SPIDR: variants seen among roughly 807,000 people sequenced by gnomAD.
SPIDR encodes scaffold protein involved in DNA repair.
Under a neutral mutation model 104.6 loss-of-function variants are expected in SPIDR, and 93 were observed. The ratio of observed to expected loss-of-function variants is 0.89; its 90% CI spans 0.75 to 1.06. The LOEUF (loss-of-function observed/expected upper bound fraction) is 1.06. Ranked by LOEUF, SPIDR falls within the 50% of genes least tolerant of loss-of-function variation. The pLI is 0.00. For synonymous variants in SPIDR, 431 were observed against 416.9 expected (o/e 1.03, Z -0.41); for missense variants, 1,154 against 1,111.2 (o/e 1.04, Z -0.55).
At chr8:47,465,008 C>T (rs1229294550) in intron 8 of SPIDR, among the ~76,000 whole-genome samples, 1 of 152,180 alleles carries the variant, frequency 6.6e-6, no homozygotes, top group Non-Finnish European at 1.5e-5. Context: ...AGGTGATCCA[C>T]CTGCCTCGGC....
chr8:47,722,231 A>G (rs2083506268), intron 16 of SPIDR, among the ~76,000 whole-genome samples: 1 of 152,118 alleles, frequency 6.6e-6, no homozygotes, highest in South Asian at 2.1e-4. Context: ...TAACCCTGCA[A>G]CTTTGCTGTA....
intron 8 of SPIDR, among the ~76,000 whole-genome samples, chr8:47,529,545 A>G (rs2085582211): frequency 1.3e-5 from 2 of 152,156 alleles, no homozygotes; most frequent in African/African-American, 4.8e-5. Context: ...CCAGACAAAA[A>G]CTGAGACAAT....
In SPIDR at chr8:47,504,108, G is replaced by A. The variant is rs184963923; in HGVS notation, c.1097+63566G>A. Among the ~76,000 whole-genome samples, 131 of 152,272 alleles carry A rather than the reference G, an allele frequency of 8.6e-4. 1 individual carries two copies. The highest frequency in any genetic ancestry group is 1.8e-3 in the Admixed American group (28 of 15,296). ...CAACCTTGGTGAATCTGACAATTATGTGTCTTGGAGTTGCTCTTCTCGAGG... is the reference window on the plus strand; with the variant it reads ...CAACCTTGGTGAATCTGACAATTATATGTCTTGGAGTTGCTCTTCTCGAGG... On this transcript the variant is annotated intron_variant, in intron 8 of 19. Transcript: ENST00000297423.
Position 47,713,645 on chromosome 8 carries a change from G to A in SPIDR, c.2341+4G>A, listed in dbSNP as rs1168668182. The A allele has an allele frequency of 8.1e-6, 13 of 1,613,680 alleles. No individual in the cohort carries two copies. Among genetic ancestry groups the A allele is most frequent in the Non-Finnish European group, 1.1e-5 (13 of 1,179,852 alleles). On this transcript the variant is annotated splice_donor_region_variant and intron_variant, in intron 16 of 19. Transcript: ENST00000297423. Reference sequence around the variant, plus strand: ...AACTCCATCTGCAGTGTTCAAGGTAGGCAGCCATCTCACAGGAATTGGTGC... The same window carrying A: ...AACTCCATCTGCAGTGTTCAAGGTAAGCAGCCATCTCACAGGAATTGGTGC...
intron 10 of SPIDR, among the ~76,000 whole-genome samples, chr8:47,624,919 G>A (rs910246775): frequency 6.6e-6 from 1 of 152,082 alleles, no homozygotes; most frequent in Non-Finnish European, 1.5e-5. Context: ...CCAAAGCCTG[G>A]CAGAGACACA....
chr8:47,612,274 C>T (rs1374298119), intron 10 of SPIDR, among the ~76,000 whole-genome samples: 2 of 152,200 alleles, frequency 1.3e-5, no homozygotes, highest in East Asian at 3.8e-4. Flanking sequence ...ACGCTGACTA[C>T]TCTGGAATCC....
intron 10 of SPIDR, among the ~76,000 whole-genome samples, chr8:47,613,543 T>G (rs1332433414): frequency 6.6e-6 from 1 of 152,228 alleles, no homozygotes; most frequent in Non-Finnish European, 1.5e-5. Context: ...CATATGGTAA[T>G]TATGTGTTTA....
chr8:47,384,982 T>C (rs2059720399), intron 5 of SPIDR, among the ~76,000 whole-genome samples: 1 of 152,194 alleles, frequency 6.6e-6, no homozygotes, highest in Non-Finnish European at 1.5e-5. Flanking sequence ...CCCTCCATTT[T>C]GTTTTGTTTT....
chr8:47,267,689 T>C (rs1554547802), intron 1 of SPIDR, among the ~76,000 whole-genome samples: 1 of 152,344 alleles, frequency 6.6e-6, no homozygotes, highest in Non-Finnish European at 1.5e-5. Context: ...TGCGTTTTCA[T>C]TGGGTTATTT....
intron 5 of SPIDR, among the ~76,000 whole-genome samples, chr8:47,304,139 C>T (rs1343801807): frequency 3.3e-5 from 5 of 152,124 alleles, no homozygotes; most frequent in Non-Finnish European, 7.3e-5. Flanking sequence ...CTCTCCAAAA[C>T]TCTTGTTGAA....
chr8:47,303,321 C>T (rs1024302029), intron 5 of SPIDR, among the ~76,000 whole-genome samples: 45 of 152,266 alleles, frequency 3.0e-4, no homozygotes, highest in African/African-American at 9.4e-4. Context: ...TGGAGTGACC[C>T]GATTTTCCAG....
chr8:47,735,645 TTTATC>T lies in SPIDR; in HGVS notation c.*198_*202del. The T allele has an allele frequency of 8.8e-7, 1 of 1,133,070 alleles. No individual in the cohort carries two copies. The highest frequency in any genetic ancestry group is 1.2e-6 in the Non-Finnish European group (1 of 826,634). 70.2% of individuals were successfully genotyped at this position (1,133,070 alleles called of 1,614,324 possible). A position where few individuals can be genotyped will look rare whatever the true frequency, so the allele number is the denominator to read the frequency against. ...TAAATCAAAATACCTTTTTCTACAG[TTTATC>T]TTTTATTTTCTGCAAATTTAGGAAC... is the stretch of plus-strand genomic sequence containing the variant. On this transcript the variant is annotated 3_prime_UTR_variant, in exon 20 of 20. Coordinates refer to ENST00000297423, the MANE Select transcript of SPIDR (RefSeq NM_001080394.4).
At position 47,447,020 on chromosome 8, in the gene SPIDR, AT is replaced by A. The variant is rs139550402; in HGVS notation, c.1097+6480del. On this transcript the variant is annotated intron_variant, in intron 8 of 19. Transcript: ENST00000297423. ...ATTATCAGGAGTATGGAAAGAGTTG[AT>A]TCCAACCCTCTTCAGTGACTTCAGG... 1.9e-3 allele frequency among the ~76,000 whole-genome samples: 282 copies of A among 152,286 alleles called. 1 individual carries two copies. The highest frequency in any genetic ancestry group is 6.1e-3 in the African/African-American group (254 of 41,572).
At chr8:47,593,196 CT>C (rs897120701) in intron 8 of SPIDR, among the ~76,000 whole-genome samples, 1 of 151,196 alleles carries the variant, frequency 6.6e-6, no homozygotes, top group Admixed American at 6.6e-5. Context: ...AGGTTTTTTA[CT>C]TTTTTTTTAA....
chr8:47,425,239 A>G (rs1396357008), intron 7 of SPIDR, among the ~76,000 whole-genome samples: 2 of 152,090 alleles, frequency 1.3e-5, no homozygotes, highest in African/African-American at 4.8e-5. Context: ...GGTCACAGGT[A>G]CCAAGCTGGC....
intron 16 of SPIDR, among the ~76,000 whole-genome samples, chr8:47,718,322 A>T (rs1418050289): frequency 6.6e-6 from 1 of 152,224 alleles, no homozygotes; most frequent in African/African-American, 2.4e-5. Flanking sequence ...TAAACAGGGG[A>T]GGAAACATGC....
chr8:47,383,350 A>G (rs2059539885), intron 5 of SPIDR, among the ~76,000 whole-genome samples: 1 of 151,812 alleles, frequency 6.6e-6, no homozygotes, highest in Non-Finnish European at 1.5e-5. Flanking sequence ...GAACCAACTG[A>G]CTCTTTCTCT....
chr8:47,401,121 G>T (rs781789765), intron 6 of SPIDR, among the ~76,000 whole-genome samples: 3 of 152,148 alleles, frequency 2.0e-5, no homozygotes, highest in Non-Finnish European at 4.4e-5. Context: ...AAGCCCATCA[G>T]ACTAACAGAG....
Position 47,631,507 on chromosome 8 carries a change from A to G in SPIDR, c.1544+32311A>G, listed in dbSNP as rs562163393. 7.2e-5 allele frequency among the ~76,000 whole-genome samples: 11 copies of G among 152,368 alleles called. No homozygotes were observed. In the South Asian group the frequency reaches 2.3e-3, roughly 32 times the overall value. Reference sequence around the variant, plus strand: ...ATTACTGAATATGTTCAAACTAAAAAGCAACACAGAAAAGTACTGGATTTA... The same window carrying G: ...ATTACTGAATATGTTCAAACTAAAAGGCAACACAGAAAAGTACTGGATTTA... On this transcript the variant is annotated intron_variant, in intron 10 of 19. Coordinates refer to ENST00000297423, the MANE Select transcript of SPIDR (RefSeq NM_001080394.4).
Sources: gnomAD v4.1 joint callset for allele counts (sites outside exome capture counted in the v4.1 genomes callset) on GRCh38, gnomAD v4.1.1 for gene constraint, MANE v1.5 for transcripts, NCBI Gene and HGNC (gene_info 2026-07-23, HGNC 2026-07-21) for gene names.